Variants in TP63 observed in about 807,000 individuals in gnomAD.
TP63 encodes tumor protein p63.
TP63 carries 17 observed loss-of-function variants against 82.8 expected under a neutral mutation model. The observed-to-expected ratio is 0.21, with a 90% CI of 0.14 to 0.31. The LOEUF (loss-of-function observed/expected upper bound fraction) is 0.31. TP63 is among the 10% of genes least tolerant of loss of function. The probability of loss-of-function intolerance (pLI) is 1.00; values close to 1 mark genes in which losing one functional copy is unlikely to be tolerated. For synonymous variants in TP63, 330 were observed against 321.7 expected, an observed-to-expected ratio of 1.03 and a Z score of -0.28; for missense variants, 648 against 895.3, an observed-to-expected ratio of 0.72 and a Z score of 3.52.
intron 5 of TP63, among the ~76,000 whole-genome samples, chr3:189,866,194 TTTAAAAG>T (rs770308506): frequency 2.0e-5 from 3 of 152,196 alleles, no homozygotes; most frequent in Non-Finnish European, 4.4e-5. Context: ...CAACACAATG[TTTAAAAG>T]TTGAGGAGGA....
chr3:189,852,394 C>G (rs1306871483), intron 4 of TP63, among the ~76,000 whole-genome samples: 1 of 152,210 alleles, frequency 6.6e-6, no homozygotes, highest in Non-Finnish European at 1.5e-5. Context: ...AAAATTAACT[C>G]ATTCATTCTG....
rs953197095 is a variant in TP63, at chr3:189,789,655, T to C, written c.325-18617T>C. 6 of 1,432,438 alleles carry C rather than the reference T, an allele frequency of 4.2e-6. No individual in the cohort carries two copies. In the African/African-American group the frequency reaches 9.0e-5, roughly 22 times the overall value. The allele number at this position is 1,432,438 out of a possible 1,614,324, so 88.7% of individuals were successfully genotyped here. A position where few individuals can be genotyped will look rare whatever the true frequency, so the allele number is the denominator to read the frequency against. On this transcript the variant is annotated intron_variant, in intron 3 of 13. Coordinates refer to ENST00000264731, the MANE Select transcript of TP63 (RefSeq NM_003722.5). ...GTATATATTAGGAAACCTTAAATTATGTACAGAGAGAGAAAGAGAGAGAGG... is the reference window on the plus strand; with the variant it reads ...GTATATATTAGGAAACCTTAAATTACGTACAGAGAGAGAAAGAGAGAGAGG...
At chr3:189,693,596 G>T (rs1212557391) in intron 1 of TP63, among the ~76,000 whole-genome samples, 1 of 152,188 alleles carries the variant, frequency 6.6e-6, no homozygotes, top group Non-Finnish European at 1.5e-5. Context: ...TTTGGATGGG[G>T]ACGATTATTC....
chr3:189,654,167 A>G (rs536032012), intron 1 of TP63, among the ~76,000 whole-genome samples: 1 of 152,314 alleles, frequency 6.6e-6, no homozygotes, highest in African/African-American at 2.4e-5. Flanking sequence ...TGTCTTAAAG[A>G]CAAAACCAGT....
At chr3:189,680,720 G>C (rs1043591144) in intron 1 of TP63, among the ~76,000 whole-genome samples, 13 of 152,186 alleles carry the variant, frequency 8.5e-5, no homozygotes, top group Admixed American at 1.3e-4. Context: ...CATGGAGTCA[G>C]GGTCCACTGG....
In TP63 at chr3:189,896,699, C is replaced by A. The variant is rs886058237; in HGVS notation, c.*2197C>A. 8 of 204,544 alleles carry A rather than the reference C, an allele frequency of 3.9e-5. No homozygotes were observed. Among genetic ancestry groups the A allele is most frequent in the African/African-American group, 9.2e-5 (4 of 43,710 alleles). The allele number at this position is 204,544 out of a possible 1,614,324, so 12.7% of individuals were successfully genotyped here. ...CAGTACTATTCAGGTAACACTAGGG[C>A]CTTGGAAATTCCTGTACTGTGTCTC... On this transcript the variant is annotated 3_prime_UTR_variant, in exon 14 of 14. Coordinates refer to ENST00000264731, the MANE Select transcript of TP63 (RefSeq NM_003722.5).
chr3:189,813,584 A>C (rs1577015926), intron 4 of TP63, among the ~76,000 whole-genome samples: 1 of 125,790 alleles, frequency 7.9e-6, no homozygotes, highest in Non-Finnish European at 1.8e-5. Flanking sequence ...CGCCATGAAA[A>C]TCCTCAGGTT....
At chr3:189,679,746 A>G (rs956808931) in intron 1 of TP63, among the ~76,000 whole-genome samples, 1 of 152,172 alleles carries the variant, frequency 6.6e-6, no homozygotes, top group Non-Finnish European at 1.5e-5. Context: ...GTTTTCTTTC[A>G]GCAGTTCTAC....
At chr3:189,697,095 A>G (rs1346383895) in intron 1 of TP63, among the ~76,000 whole-genome samples, 1 of 151,988 alleles carries the variant, frequency 6.6e-6, no homozygotes, top group Non-Finnish European at 1.5e-5. Context: ...CTAAAAATTT[A>G]TTATCAAACT....
At chr3:189,735,661 G>T (rs1720535887) in intron 1 of TP63, among the ~76,000 whole-genome samples, 1 of 152,030 alleles carries the variant, frequency 6.6e-6, no homozygotes, top group African/African-American at 2.4e-5. Flanking sequence ...CTTAACTGAT[G>T]CAGGAACATT....
At chr3:189,676,423 G>T (rs1333005078) in intron 1 of TP63, among the ~76,000 whole-genome samples, 2 of 152,028 alleles carry the variant, frequency 1.3e-5, no homozygotes, top group Non-Finnish European at 2.9e-5. Flanking sequence ...TTGTCTGTCT[G>T]TGCCTGGTTT....
intron 3 of TP63, among the ~76,000 whole-genome samples, chr3:189,742,000 T>G (rs1044172253): frequency 6.6e-6 from 1 of 152,058 alleles, no homozygotes; most frequent in African/African-American, 2.4e-5. Context: ...CTCAGCACTT[T>G]GGGAGGCCGA....
chr3:189,628,139 C>T (rs1467686139), upstream of TP63, among the ~76,000 whole-genome samples: 1 of 151,896 alleles, frequency 6.6e-6, no homozygotes, highest in African/African-American at 2.4e-5. Context: ...TTATAGGTGA[C>T]CTTACACAAA....
At chr3:189,880,107 A>C in intron 10 of TP63, 1 of 1,613,872 alleles carries the variant, frequency 6.2e-7, no homozygotes, top group Admixed American at 1.7e-5. Context: ...GGAGCCCCGG[A>C]GAGAAACTCC....
intron 3 of TP63, among the ~76,000 whole-genome samples, chr3:189,762,152 C>A (rs1218876172): frequency 6.6e-6 from 1 of 152,098 alleles, no homozygotes; most frequent in African/African-American, 2.4e-5. Context: ...TTGGGAGGAC[C>A]TGGAAGAGGA....
intron 3 of TP63, among the ~76,000 whole-genome samples, chr3:189,807,642 G>T (rs969623144): frequency 2.6e-5 from 4 of 152,174 alleles, no homozygotes; most frequent in Non-Finnish European, 5.9e-5. Context: ...TGATTTACTA[G>T]CATGTTACTT....
At chr3:189,852,454 C>T (rs1206357153) in intron 4 of TP63, among the ~76,000 whole-genome samples, 15 of 152,192 alleles carry the variant, frequency 9.9e-5, no homozygotes, top group Admixed American at 9.8e-4. Flanking sequence ...TTGCAAGCAT[C>T]TTTTGTTCTA....
At chr3:189,744,856 T>A (rs1721252177) in intron 3 of TP63, among the ~76,000 whole-genome samples, 3 of 152,098 alleles carry the variant, frequency 2.0e-5, no homozygotes, top group Admixed American at 6.5e-5. Context: ...TACACTGCCC[T>A]AGGGTCCAAG....
At chr3:189,851,459 C>T (rs1275814542) in intron 4 of TP63, among the ~76,000 whole-genome samples, 4 of 152,172 alleles carry the variant, frequency 2.6e-5, no homozygotes, top group African/African-American at 7.2e-5. Flanking sequence ...CCTGTAATCC[C>T]AGCTACTCTG....
Sources: gnomAD v4.1 joint callset for allele counts (sites outside exome capture counted in the v4.1 genomes callset) on GRCh38, gnomAD v4.1.1 for gene constraint, MANE v1.5 for transcripts, NCBI Gene and HGNC (gene_info 2026-07-23, HGNC 2026-07-21) for gene names.